The following ERBB4 variants were observed in gnomAD, a reference collection of about 807,000 sequenced individuals.
ERBB4 encodes the protein erb-b2 receptor tyrosine kinase 4, also known as receptor tyrosine-protein kinase erbB-4.
In ERBB4, 42 loss-of-function variants were observed where a neutral mutation model predicts 158.0. The observed-to-expected ratio is 0.27, with a 90% CI of 0.21 to 0.34. The LOEUF (loss-of-function observed/expected upper bound fraction) is 0.34, where lower values mean the gene tolerates loss of function less well. Ranked by LOEUF, ERBB4 falls within the 10% of genes least tolerant of loss-of-function variation. ERBB4 has a pLI of 1.00. For missense variants in ERBB4, 1,333 were observed against 1,624.1 expected (o/e 0.82, Z 3.08); for synonymous variants, 583 against 558.7 (o/e 1.04, Z -0.61).
At chr2:212,055,722 C>G (rs914691606) in intron 2 of ERBB4, among the ~76,000 whole-genome samples, 1 of 152,232 alleles carries the variant, frequency 6.6e-6, no homozygotes, top group African/African-American at 2.4e-5. Context: ...AGGGTCCTGA[C>G]TGTTAGAAGG....
At chr2:212,108,468 T>C (rs1456010692) in intron 2 of ERBB4, among the ~76,000 whole-genome samples, 1 of 152,142 alleles carries the variant, frequency 6.6e-6, no homozygotes, top group Non-Finnish European at 1.5e-5. Flanking sequence ...AGGAATGCAG[T>C]TTTAAAGAAA....
chr2:212,338,290 T>C (rs933265101), intron 1 of ERBB4, among the ~76,000 whole-genome samples: 1 of 152,084 alleles, frequency 6.6e-6, no homozygotes, highest in African/African-American at 2.4e-5. Context: ...AAAATGAGTC[T>C]GTCTTCTAAG....
At chr2:212,302,568 A>G (rs1207369078) in intron 1 of ERBB4, among the ~76,000 whole-genome samples, 4 of 151,460 alleles carry the variant, frequency 2.6e-5, no homozygotes, top group Admixed American at 1.3e-4. Context: ...TTGGCAAAAT[A>G]TGAGTTTCAG....
At chr2:211,568,178 T>C (rs1156325546) in intron 19 of ERBB4, among the ~76,000 whole-genome samples, 1 of 151,998 alleles carries the variant, frequency 6.6e-6, no homozygotes, top group East Asian at 1.9e-4. Flanking sequence ...AGTTTTCTCA[T>C]TGAACAGAAG....
At chr2:211,479,894 A>G (rs9631002) in intron 20 of ERBB4, among the ~76,000 whole-genome samples, 9,813 of 152,228 alleles carry the variant, frequency 0.064, 1,026 homozygotes, top group African/African-American at 0.22. Context: ...TATAATTAAC[A>G]CTTTTTTTCC....
At chr2:211,940,006 T>TAGATAGATAGATAGATAGATAGAC (rs1210326694) in intron 3 of ERBB4, among the ~76,000 whole-genome samples, 2,452 of 150,722 alleles carry the variant, frequency 0.016, 31 homozygotes, top group Middle Eastern at 0.044. Flanking sequence ...GATAGATAGA[T>TAGATAGATAGATAGATAGATAGAC]AGAGATAGAT....
rs185012095 is a variant in ERBB4 at position 212,468,947 on chromosome 2, T to A, written c.82+69502A>T. ...TGTTCCCTTATTAGGAAAAAAATTA[T>A]CTTCTCTCTGTATCAGTAGGCCATT... On this transcript the variant is annotated intron_variant, in intron 1 of 27. Transcript: ENST00000342788. 4.8e-4 allele frequency among the ~76,000 whole-genome samples: 73 copies of A among 152,344 alleles called. 1 individual carries two copies. Among genetic ancestry groups the A allele is most frequent in the South Asian group, 3.9e-3 (19 of 4,826 alleles).
chr2:211,512,994 A>G (rs1423023842), intron 20 of ERBB4, among the ~76,000 whole-genome samples: 1 of 152,094 alleles, frequency 6.6e-6, no homozygotes, highest in Non-Finnish European at 1.5e-5. Flanking sequence ...TCAGACTGAA[A>G]CATTAGACAG....
chr2:211,566,068 T>C (rs554632851), intron 19 of ERBB4, among the ~76,000 whole-genome samples: 23 of 152,268 alleles, frequency 1.5e-4, no homozygotes, highest in Non-Finnish European at 2.8e-4. Context: ...CGGGTGCACT[T>C]TGAGGCGTCA....
intron 3 of ERBB4, among the ~76,000 whole-genome samples, chr2:211,936,849 G>T (rs1268522882): frequency 1.3e-5 from 2 of 152,080 alleles, no homozygotes; most frequent in African/African-American, 4.8e-5. Flanking sequence ...ATGCCAAAAA[G>T]TGTTGGGCCA....
At chr2:212,308,585 CA>C (rs2086902489) in intron 1 of ERBB4, among the ~76,000 whole-genome samples, 2 of 150,782 alleles carry the variant, frequency 1.3e-5, no homozygotes, top group South Asian at 4.1e-4. Context: ...AAAGGTTGAT[CA>C]ATATATTTTG....
chr2:211,675,724 T>C (rs2105946570), intron 13 of ERBB4, among the ~76,000 whole-genome samples: 1 of 148,076 alleles, frequency 6.8e-6, no homozygotes, highest in East Asian at 2.0e-4. Flanking sequence ...TTTTAGGATT[T>C]CTTCTCTTCT....
chr2:212,161,354 C>A (rs543002058), intron 1 of ERBB4, among the ~76,000 whole-genome samples: 5 of 152,056 alleles, frequency 3.3e-5, no homozygotes, highest in African/African-American at 1.2e-4. Flanking sequence ...CCACACCCAT[C>A]TGCCTAAATT....
intron 2 of ERBB4, among the ~76,000 whole-genome samples, chr2:211,949,468 A>G (rs2080812887): frequency 6.6e-6 from 1 of 152,200 alleles, no homozygotes; most frequent in Non-Finnish European, 1.5e-5. Context: ...GATTTTGAAG[A>G]TTATATGATG....
At chr2:211,704,432 T>C (rs564225864) in intron 10 of ERBB4, among the ~76,000 whole-genome samples, 1 of 152,330 alleles carries the variant, frequency 6.6e-6, no homozygotes, top group East Asian at 1.9e-4. Flanking sequence ...TTCTTATAAA[T>C]GCAAAAATGT....
rs184956010 is a variant in ERBB4 at position 212,512,276 on chromosome 2, A to G, written c.82+26173T>C. Among the ~76,000 whole-genome samples the G allele has an allele frequency of 3.9e-5, 6 of 152,184 alleles. No homozygotes were observed. In the South Asian group the frequency reaches 6.2e-4, roughly 16 times the overall value. On this transcript the variant is annotated intron_variant, in intron 1 of 27. Transcript: ENST00000342788. The stretch of plus-strand genomic sequence containing the variant: ...ACTTCATACCTTTAGAACTCTTTAT[A>G]TAAGTACTTAACCTCTCTTTATATT...
intron 1 of ERBB4, among the ~76,000 whole-genome samples, chr2:212,336,312 C>T (rs917054766): frequency 2.0e-5 from 3 of 151,954 alleles, no homozygotes; most frequent in Non-Finnish European, 4.4e-5. Flanking sequence ...AGACTGAAAA[C>T]AGTCTTATAA....
chr2:212,216,341 T>G (rs144997041), intron 1 of ERBB4, among the ~76,000 whole-genome samples: 148 of 151,486 alleles, frequency 9.8e-4, no homozygotes, highest in Middle Eastern at 6.8e-3. Flanking sequence ...ATACACACAG[T>G]AAATCTATTT....
intron 20 of ERBB4, among the ~76,000 whole-genome samples, chr2:211,550,161 G>T (rs990455800): frequency 5.9e-5 from 9 of 151,986 alleles, no homozygotes; most frequent in African/African-American, 2.2e-4. Flanking sequence ...CCATTTTTGT[G>T]TATGTGTATA....
Sources: allele counts gnomAD v4.1 joint callset (sites outside exome capture counted in the v4.1 genomes callset), GRCh38; gene constraint gnomAD v4.1.1; transcripts MANE v1.5; gene names NCBI Gene and HGNC (gene_info 2026-07-23, HGNC 2026-07-21).